Variants in PPP3CA observed in about 807,000 individuals in gnomAD.
PPP3CA encodes CAM-PRP catalytic subunit.
In PPP3CA, 14 loss-of-function variants were observed where a neutral mutation model predicts 66.5. That is an observed-to-expected ratio of 0.21 (90% CI 0.14 to 0.33). The LOEUF (loss-of-function observed/expected upper bound fraction) is 0.33, where lower values mean the gene tolerates loss of function less well. Ranked by LOEUF, PPP3CA falls within the 10% of genes least tolerant of loss-of-function variation. The probability of loss-of-function intolerance (pLI) is 1.00; values close to 1 mark genes in which losing one functional copy is unlikely to be tolerated. For missense variants in PPP3CA, 317 were observed against 639.5 expected, an observed-to-expected ratio of 0.50 and a Z score of 5.44; for synonymous variants, 232 against 226.2, an observed-to-expected ratio of 1.03 and a Z score of -0.23.
chr4:101,264,456 G>T (rs1727105721), intron 1 of PPP3CA, among the ~76,000 whole-genome samples: 1 of 20,636 alleles, frequency 4.8e-5, no homozygotes, highest in Admixed American at 3.0e-4. Context: ...GCAAGAAAAA[G>T]AAAGTTAACA....
intron 1 of PPP3CA, among the ~76,000 whole-genome samples, chr4:101,258,368 G>A (rs956999756): frequency 6.6e-6 from 1 of 151,988 alleles, no homozygotes; most frequent in African/African-American, 2.4e-5. Flanking sequence ...GCAAGCAAAA[G>A]GAAAGAGAAG....
At chr4:101,051,815 T>C (rs1187643008) in intron 10 of PPP3CA, among the ~76,000 whole-genome samples, 1 of 152,150 alleles carries the variant, frequency 6.6e-6, no homozygotes, top group Non-Finnish European at 1.5e-5. Context: ...AGTTGGCTAA[T>C]GTCACCACTA....
intron 2 of PPP3CA, among the ~76,000 whole-genome samples, chr4:101,130,224 A>T (rs1722386301): frequency 6.6e-6 from 1 of 152,286 alleles, no homozygotes; most frequent in South Asian, 2.1e-4. Flanking sequence ...AGGAACAAAC[A>T]AAGCCTCCAA....
Position 101,187,689 on chromosome 4 carries a change from C to T in PPP3CA, c.259+8227G>A, listed in dbSNP as rs556750596. ...CTTGATTATCTGAGAATCTCTTATT[C>T]GCCAAATGGTATCCAAATATCCACT... On this transcript the variant is annotated intron_variant, in intron 2 of 13. Coordinates refer to ENST00000394854, the MANE Select transcript of PPP3CA (RefSeq NM_000944.5). Among the ~76,000 whole-genome samples, 68 of 152,190 alleles carry T rather than the reference C, an allele frequency of 4.5e-4. 2 individuals carry two copies. The Middle Eastern group carries it at 0.02, about 46-fold the overall frequency.
chr4:101,229,231 T>C (rs1287686974), intron 1 of PPP3CA, among the ~76,000 whole-genome samples: 1 of 105,582 alleles, frequency 9.5e-6, no homozygotes, highest in Middle Eastern at 4.5e-3. Context: ...TTTTATTCAT[T>C]ATTTTACACT....
At chr4:101,056,579 T>C (rs1728232373) in intron 10 of PPP3CA, among the ~76,000 whole-genome samples, 1 of 152,100 alleles carries the variant, frequency 6.6e-6, no homozygotes, top group African/African-American at 2.4e-5. Flanking sequence ...GGAAATGGAA[T>C]GAAATATTGA....
chr4:101,052,566 AAAAC>A (rs1384384177), intron 10 of PPP3CA, among the ~76,000 whole-genome samples: 1 of 151,988 alleles, frequency 6.6e-6, no homozygotes, highest in African/African-American at 2.4e-5. Flanking sequence ...TAGGCAACTG[AAAAC>A]AAACAAAAAA....
chr4:101,322,240 T>C (rs1729062148), intron 1 of PPP3CA, among the ~76,000 whole-genome samples: 1 of 152,092 alleles, frequency 6.6e-6, no homozygotes, highest in Non-Finnish European at 1.5e-5. Context: ...ACAAAATTCA[T>C]ATGGTGAAAT....
At chr4:101,171,583 T>C (rs1484378747) in intron 2 of PPP3CA, among the ~76,000 whole-genome samples, 1 of 152,070 alleles carries the variant, frequency 6.6e-6, no homozygotes, top group Non-Finnish European at 1.5e-5. Context: ...AACTGGAACA[T>C]GGAAAGGTTA....
At chr4:101,125,664 T>C (rs1025193731) in intron 2 of PPP3CA, among the ~76,000 whole-genome samples, 5 of 152,312 alleles carry the variant, frequency 3.3e-5, no homozygotes, top group African/African-American at 1.2e-4. Context: ...CTCTTATATA[T>C]TTCTCTTTAT....
Position 101,289,471 on chromosome 4 carries a change from T to C in PPP3CA, c.58+57268A>G, listed in dbSNP as rs540399536. On this transcript the variant is annotated intron_variant, in intron 1 of 13. Coordinates refer to ENST00000394854, the MANE Select transcript of PPP3CA (RefSeq NM_000944.5). The stretch of plus-strand genomic sequence containing the variant: ...TCATTTGAGGTAGACTATTATGATT[T>C]CCGCTATTCTCTTTTTGGACACTTC... 3.7e-4 allele frequency among the ~76,000 whole-genome samples: 57 copies of C among 152,350 alleles called. No homozygotes were observed. In the South Asian group the frequency reaches 0.012, roughly 31 times the overall value.
intron 12 of PPP3CA, among the ~76,000 whole-genome samples, chr4:101,030,483 T>TAGTA (rs150358621): frequency 0.097 from 14,799 of 152,082 alleles, 1,460 homozygotes; most frequent in African/African-American, 0.25. Context: ...TTAAAATATA[T>TAGTA]AGTAAGTTTT....
At chr4:101,173,600 C>A (rs1263226251) in intron 2 of PPP3CA, among the ~76,000 whole-genome samples, 1 of 152,036 alleles carries the variant, frequency 6.6e-6, no homozygotes, top group Non-Finnish European at 1.5e-5. Flanking sequence ...GAGATGAGGT[C>A]CCTCTGCAAG....
chr4:101,273,074 A>G (rs1727381514), intron 1 of PPP3CA, among the ~76,000 whole-genome samples: 1 of 152,210 alleles, frequency 6.6e-6, no homozygotes, highest in Non-Finnish European at 1.5e-5. Context: ...TCAAAGGACA[A>G]GAATTTTATA....
At chr4:101,235,035 T>C (rs1726082144) in intron 1 of PPP3CA, among the ~76,000 whole-genome samples, 2 of 151,734 alleles carry the variant, frequency 1.3e-5, no homozygotes, top group African/African-American at 2.4e-5. Context: ...TACACACTAC[T>C]AGTGAGTGAA....
At position 101,025,689 on chromosome 4, in the gene PPP3CA, A is replaced by C; in HGVS notation, c.*176T>G. On this transcript the variant is annotated 3_prime_UTR_variant, in exon 14 of 14. Coordinates refer to ENST00000394854, the MANE Select transcript of PPP3CA (RefSeq NM_000944.5). ...CATCCCCACCAAAATATAGTTTATT[A>C]TCTCTCTCCCTCTTTTTTAATGATA... is the stretch of plus-strand genomic sequence containing the variant. 3 of 482,598 alleles carry C rather than the reference A, an allele frequency of 6.2e-6. No individual in the cohort carries two copies. The highest frequency in any genetic ancestry group is 7.1e-6 in the Non-Finnish European group (2 of 280,550). 29.9% of individuals were successfully genotyped at this position (482,598 alleles called of 1,614,324 possible).
chr4:101,221,083 A>G (rs1387487070), intron 1 of PPP3CA, among the ~76,000 whole-genome samples: 1 of 151,710 alleles, frequency 6.6e-6, no homozygotes, highest in Non-Finnish European at 1.5e-5. Flanking sequence ...TAAGAGAAAG[A>G]CTTCCAAATT....
chr4:101,216,571 C>A (rs1023211077), intron 1 of PPP3CA, among the ~76,000 whole-genome samples: 1 of 152,024 alleles, frequency 6.6e-6, no homozygotes, highest in Non-Finnish European at 1.5e-5. Context: ...CAGGGTGTCG[C>A]TCTGTTGCCC....
chr4:101,106,500 G>GA (rs199877919), intron 3 of PPP3CA, among the ~76,000 whole-genome samples: 2,293 of 75,644 alleles, frequency 0.03, 413 homozygotes, highest in East Asian at 0.16. Flanking sequence ...GAAAAGAAAA[G>GA]AAAGAAAGAA....
Sources: gnomAD v4.1 joint callset for allele counts (sites outside exome capture counted in the v4.1 genomes callset) on GRCh38, gnomAD v4.1.1 for gene constraint, MANE v1.5 for transcripts, NCBI Gene and HGNC (gene_info 2026-07-23, HGNC 2026-07-21) for gene names.